Variants in LRRC4C observed in about 807,000 individuals in gnomAD.
The protein encoded by LRRC4C is leucine rich repeat containing 4C.
In LRRC4C, 5 loss-of-function variants were observed where a neutral mutation model predicts 33.6. The observed-to-expected ratio is 0.15, with a 90% CI of 0.08 to 0.31. The LOEUF is 0.31. Ranked by LOEUF, LRRC4C falls within the 10% of genes least tolerant of loss-of-function variation. The pLI is 1.00. For synonymous variants in LRRC4C, 329 were observed against 302.0 expected, an observed-to-expected ratio of 1.09 and a Z score of -0.93; for missense variants, 560 against 796.7, an observed-to-expected ratio of 0.70 and a Z score of 3.58.
At chr11:40,984,347 A>G (rs1379424832) in intron 1 of LRRC4C, among the ~76,000 whole-genome samples, 2 of 128,326 alleles carry the variant, frequency 1.6e-5, no homozygotes, top group South Asian at 2.5e-4. Context: ...AGAAAGTAGG[A>G]AAGAGAAAGA....
At chr11:40,341,683 A>G (rs1946873993) in intron 3 of LRRC4C, among the ~76,000 whole-genome samples, 1 of 152,234 alleles carries the variant, frequency 6.6e-6, no homozygotes, top group African/African-American at 2.4e-5. Context: ...AACTTAAAGT[A>G]TAATAAAAAA....
intron 2 of LRRC4C, among the ~76,000 whole-genome samples, chr11:40,903,102 G>T (rs1473833490): frequency 6.6e-6 from 1 of 152,134 alleles, no homozygotes; most frequent in Non-Finnish European, 1.5e-5. Flanking sequence ...AGGACAGACT[G>T]ACTCTCTTGT....
chr11:40,157,525 A>G (rs2135308203), intron 5 of LRRC4C, among the ~76,000 whole-genome samples: 1 of 152,322 alleles, frequency 6.6e-6, no homozygotes, highest in Non-Finnish European at 1.5e-5. Flanking sequence ...CAAAGGACTA[A>G]TATCCAGAAT....
chr11:40,563,612 G>C (rs115506609), intron 3 of LRRC4C, among the ~76,000 whole-genome samples: 3,277 of 152,238 alleles, frequency 0.022, 117 homozygotes, highest in African/African-American at 0.059. Flanking sequence ...CTGATATAAA[G>C]TACATGGGCT....
chr11:40,342,760 A>G (rs1481259112), intron 3 of LRRC4C, among the ~76,000 whole-genome samples: 1 of 152,122 alleles, frequency 6.6e-6, no homozygotes, highest in East Asian at 1.9e-4. Context: ...CAGAACAAGC[A>G]CTTGCTTTAA....
chr11:40,842,450 T>C (rs1335682299), intron 2 of LRRC4C, among the ~76,000 whole-genome samples: 1 of 152,206 alleles, frequency 6.6e-6, no homozygotes, highest in Non-Finnish European at 1.5e-5. Flanking sequence ...ATATTTATTG[T>C]ATACATGTTT....
At chr11:40,279,400 G>T (rs570890651) in intron 4 of LRRC4C, among the ~76,000 whole-genome samples, 1 of 152,166 alleles carries the variant, frequency 6.6e-6, no homozygotes, top group South Asian at 2.1e-4. Context: ...ACACCATTGC[G>T]CATTCAGAAA....
chr11:40,407,056 G>C (rs1410515243), intron 3 of LRRC4C, among the ~76,000 whole-genome samples: 2 of 152,094 alleles, frequency 1.3e-5, no homozygotes, highest in African/African-American at 2.4e-5. Context: ...GGTTTTCATA[G>C]AAGCTTGAAG....
intron 2 of LRRC4C, among the ~76,000 whole-genome samples, chr11:40,761,508 G>A (rs1316592976): frequency 2.0e-5 from 3 of 151,998 alleles, no homozygotes; most frequent in Non-Finnish European, 2.9e-5. Context: ...AATGAATGTC[G>A]AAATTGGTTA....
intron 3 of LRRC4C, among the ~76,000 whole-genome samples, chr11:40,508,827 GT>G (rs1955165425): frequency 6.6e-6 from 1 of 152,130 alleles, no homozygotes. Flanking sequence ...TTGTTCAACT[GT>G]TGGCTTAAAG....
At chr11:40,911,065 G>C (rs1254802249) in intron 2 of LRRC4C, among the ~76,000 whole-genome samples, 2 of 152,162 alleles carry the variant, frequency 1.3e-5, no homozygotes. Context: ...GAACTGGGTG[G>C]AGCCCACCAC....
chr11:40,638,880 G>A (rs1941941051), intron 3 of LRRC4C, among the ~76,000 whole-genome samples: 1 of 151,052 alleles, frequency 6.6e-6, no homozygotes, highest in Non-Finnish European at 1.5e-5. Context: ...CTTAATATAC[G>A]ATGTTGCTAA....
chr11:40,675,877 CAT>C (rs1008928856), intron 2 of LRRC4C, among the ~76,000 whole-genome samples: 55 of 152,052 alleles, frequency 3.6e-4, no homozygotes, highest in Admixed American at 3.2e-3. Flanking sequence ...GAAGAAAAGT[CAT>C]ATAGGAAACT....
rs886678594 is a variant in LRRC4C at position 41,247,237 on chromosome 11, T to C, written c.-496+212194A>G. ...AGTTTGATAGGACTAGAAACCCCTC[T>C]GTTGCTTTGGCTTTAATGTCCTCCT... On this transcript the variant is annotated intron_variant, in intron 1 of 6. Transcript: ENST00000528697. Among the ~76,000 whole-genome samples the C allele has an allele frequency of 1.5e-4, 23 of 152,252 alleles. 1 individual carries two copies. Among genetic ancestry groups the C allele is most frequent in the Admixed American group, 1.4e-3 (22 of 15,286 alleles).
chr11:40,609,141 T>C (rs72890718), intron 3 of LRRC4C, among the ~76,000 whole-genome samples: 5,816 of 152,158 alleles, frequency 0.038, 154 homozygotes, highest in Non-Finnish European at 0.061. Context: ...GCACATAGAA[T>C]ATTCTTCAGG....
chr11:40,885,339 G>A lies in LRRC4C; in HGVS notation c.-407+48296C>T, dbSNP rs139090710. 4.2e-3 allele frequency among the ~76,000 whole-genome samples: 633 copies of A among 152,118 alleles called. 3 individuals carry two copies. The highest frequency in any genetic ancestry group is 7.0e-3 in the Non-Finnish European group (475 of 67,962). On this transcript the variant is annotated intron_variant, in intron 2 of 6. Coordinates refer to ENST00000528697, the MANE Select transcript of LRRC4C (RefSeq NM_001258419.2). ...AAAGCAGATCTGAGCTCGATAAGGAGCAAGATCTAAGTTGCAAGATGTGAG... is the reference window on the plus strand; with the variant it reads ...AAAGCAGATCTGAGCTCGATAAGGAACAAGATCTAAGTTGCAAGATGTGAG...
chr11:41,368,860 C>G (rs1235285872), intron 1 of LRRC4C, among the ~76,000 whole-genome samples: 1 of 152,162 alleles, frequency 6.6e-6, no homozygotes, highest in Non-Finnish European at 1.5e-5. Context: ...TCCCCGCATC[C>G]TAAATATCCA....
chr11:41,324,188 T>C (rs755203283), intron 1 of LRRC4C, among the ~76,000 whole-genome samples: 2 of 152,116 alleles, frequency 1.3e-5, no homozygotes, highest in Non-Finnish European at 2.9e-5. Flanking sequence ...CCCAGCACTT[T>C]GGGAGGCTGA....
chr11:40,506,314 T>C (rs1388764739), intron 3 of LRRC4C, among the ~76,000 whole-genome samples: 1 of 152,212 alleles, frequency 6.6e-6, no homozygotes, highest in Non-Finnish European at 1.5e-5. Flanking sequence ...ATCCAAGAGC[T>C]AGCAGACCAT....
Sources: gnomAD v4.1 joint callset for allele counts (sites outside exome capture counted in the v4.1 genomes callset) on GRCh38, gnomAD v4.1.1 for gene constraint, MANE v1.5 for transcripts, NCBI Gene and HGNC (gene_info 2026-07-23, HGNC 2026-07-21) for gene names.